The following STAC variants were observed in gnomAD, a reference collection of about 807,000 sequenced individuals.
STAC encodes the protein SH3 and cysteine-rich domain-containing protein.
A neutral mutation model predicts 48.8 loss-of-function variants in STAC; 43 were observed. The observed-to-expected ratio is 0.88, with a 90% CI of 0.69 to 1.14. The LOEUF (loss-of-function observed/expected upper bound fraction) is 1.14, where lower values mean the gene tolerates loss of function less well. Among genes scored for constraint, STAC ranks in the 50% most tolerant of loss-of-function variants. STAC has a pLI of 0.00. For missense variants in STAC, 497 were observed against 504.0 expected, an observed-to-expected ratio of 0.99 and a Z score of 0.13; for synonymous variants, 193 against 179.5, an observed-to-expected ratio of 1.07 and a Z score of -0.60.
intron 1 of STAC, among the ~76,000 whole-genome samples, chr3:36,442,803 G>C (rs1007329766): frequency 7.6e-6 from 1 of 132,054 alleles, no homozygotes; most frequent in East Asian, 2.5e-4. Flanking sequence ...CACACACACA[G>C]AGGTTACTTA....
intron 1 of STAC, among the ~76,000 whole-genome samples, chr3:36,437,651 T>G (rs1696186017): frequency 7.4e-6 from 1 of 135,910 alleles, no homozygotes; most frequent in African/African-American, 2.7e-5. Context: ...GGGGGAGGGA[T>G]AGCATTAGGA....
intron 2 of STAC, among the ~76,000 whole-genome samples, chr3:36,446,311 T>C (rs564077420): frequency 2.6e-5 from 4 of 152,310 alleles, no homozygotes; most frequent in South Asian, 2.1e-4. Flanking sequence ...ATGAGAGAAA[T>C]AGGCAGTTAG....
intron 8 of STAC, among the ~76,000 whole-genome samples, chr3:36,522,921 T>A (rs763903444): frequency 6.6e-6 from 1 of 152,188 alleles, no homozygotes; most frequent in African/African-American, 2.4e-5. Flanking sequence ...CTTTCTAACA[T>A]CTTGCAGAAT....
intron 1 of STAC, among the ~76,000 whole-genome samples, chr3:36,433,860 T>C (rs933387623): frequency 5.3e-5 from 8 of 152,174 alleles, no homozygotes; most frequent in African/African-American, 1.7e-4. Flanking sequence ...ACCAATATAG[T>C]CATTAATAAC....
chr3:36,483,537 A>C (rs1003501125), intron 3 of STAC, among the ~76,000 whole-genome samples: 13 of 152,314 alleles, frequency 8.5e-5, no homozygotes, highest in African/African-American at 3.1e-4. Context: ...AGGAGAGAGT[A>C]ATAAATATCT....
chr3:36,518,591 G>A (rs868447165), intron 8 of STAC, among the ~76,000 whole-genome samples: 1 of 152,148 alleles, frequency 6.6e-6, no homozygotes, highest in South Asian at 2.1e-4. Context: ...AACGCCAAGT[G>A]CAAATTTAGA....
chr3:36,463,475 A>G (rs1697075341), intron 2 of STAC, among the ~76,000 whole-genome samples: 1 of 149,746 alleles, frequency 6.7e-6, no homozygotes, highest in Non-Finnish European at 1.5e-5. Context: ...AAAATCTCTC[A>G]TTTTAATTTT....
intron 1 of STAC, among the ~76,000 whole-genome samples, chr3:36,416,081 T>C (rs1234770156): frequency 6.6e-6 from 1 of 152,240 alleles, no homozygotes; most frequent in Non-Finnish European, 1.5e-5. Context: ...TCCTTTATTC[T>C]GTAATATAAT....
At chr3:36,477,077 A>C (rs1697512168) in intron 2 of STAC, among the ~76,000 whole-genome samples, 1 of 152,232 alleles carries the variant, frequency 6.6e-6, no homozygotes, top group South Asian at 2.1e-4. Flanking sequence ...ATTTCTATAT[A>C]TGTAGTTACA....
intron 1 of STAC, among the ~76,000 whole-genome samples, chr3:36,404,917 T>C (rs1446155755): frequency 1.3e-5 from 2 of 152,138 alleles, no homozygotes; most frequent in Non-Finnish European, 2.9e-5. Flanking sequence ...TATTCTTTAT[T>C]ATAAATGCAT....
At chr3:36,402,708 G>C (rs547812897) in intron 1 of STAC, among the ~76,000 whole-genome samples, 45 of 152,078 alleles carry the variant, frequency 3.0e-4, no homozygotes, top group Non-Finnish European at 5.1e-4. Flanking sequence ...ATAATAAGAA[G>C]GAGTATAAAT....
chr3:36,463,396 C>T (rs1234879048), intron 2 of STAC, among the ~76,000 whole-genome samples: 1 of 152,046 alleles, frequency 6.6e-6, no homozygotes, highest in Non-Finnish European at 1.5e-5. Context: ...GCTTTGAATC[C>T]AGGAATGTGT....
intron 8 of STAC, among the ~76,000 whole-genome samples, chr3:36,526,158 G>A (rs1235557958): frequency 2.6e-5 from 4 of 152,130 alleles, no homozygotes; most frequent in Admixed American, 6.6e-5. Flanking sequence ...AGAAGGGGGA[G>A]CACATTTAAA....
chr3:36,397,647 C>G (rs1699880938), intron 1 of STAC, among the ~76,000 whole-genome samples: 1 of 152,130 alleles, frequency 6.6e-6, no homozygotes, highest in African/African-American at 2.4e-5. Context: ...GGCCTCATGT[C>G]AGACCACCAC....
chr3:36,475,575 A>G (rs1315094738), intron 2 of STAC, among the ~76,000 whole-genome samples: 1 of 152,262 alleles, frequency 6.6e-6, no homozygotes, highest in Non-Finnish European at 1.5e-5. Flanking sequence ...AAGCAGTAAC[A>G]GAAATCTGAA....
Position 36,485,045 on chromosome 3 carries a change from AG to A in STAC, c.559del (p.Val187LeufsTer63), listed in dbSNP as rs1406480852. The A allele has an allele frequency of 1.4e-5, 23 of 1,604,818 alleles. No homozygotes were observed. Among genetic ancestry groups the A allele is most frequent in the Non-Finnish European group, 2.0e-5 (23 of 1,175,812 alleles). On this transcript the variant is annotated frameshift_variant, in exon 4 of 11. Coordinates refer to ENST00000273183, the MANE Select transcript of STAC (RefSeq NM_003149.3). LOFTEE classifies it high-confidence loss of function. ...ATGAACAGTTTGGCTGCATTAAAGA[AG>A]TTATGCCCATTGGTGAGTTGGGACA... The part of the protein sequence containing the change: ...IHEQFGCIKE[V>X]MPIACGNKVD...
chr3:36,494,612 T>C (rs1698086870), intron 6 of STAC, among the ~76,000 whole-genome samples: 1 of 152,212 alleles, frequency 6.6e-6, no homozygotes, highest in Non-Finnish European at 1.5e-5. Context: ...CCCAGGATTT[T>C]CCTTCCTAAA....
At chr3:36,513,104 C>T (rs972879881) in intron 8 of STAC, among the ~76,000 whole-genome samples, 4 of 152,116 alleles carry the variant, frequency 2.6e-5, no homozygotes, top group Admixed American at 2.0e-4. Context: ...ACCCAACTGG[C>T]AAAGACAGCA....
chr3:36,431,448 T>C (rs1700702565), intron 1 of STAC, among the ~76,000 whole-genome samples: 1 of 152,212 alleles, frequency 6.6e-6, no homozygotes, highest in Admixed American at 6.5e-5. Flanking sequence ...AGGAGCTGGA[T>C]GGCTCAGAAC....
Sources: allele counts gnomAD v4.1 joint callset (sites outside exome capture counted in the v4.1 genomes callset), GRCh38; gene constraint gnomAD v4.1.1; transcripts MANE v1.5; gene names NCBI Gene and HGNC (gene_info 2026-07-23, HGNC 2026-07-21).